The following IBTK variants were observed in gnomAD, a reference collection of about 807,000 sequenced individuals.
The protein encoded by IBTK is inhibitor of Bruton tyrosine kinase, also known as BTK-binding protein.
IBTK carries 83 observed loss-of-function variants against 154.9 expected under a neutral mutation model. That is an observed-to-expected ratio of 0.54 (90% CI 0.45 to 0.64). IBTK has a LOEUF of 0.64. Among genes scored for constraint, IBTK ranks in the 30% least tolerant of loss-of-function variants. The pLI is 0.00. For synonymous variants in IBTK, 515 were observed against 536.1 expected, an observed-to-expected ratio of 0.96 and a Z score of 0.54; for missense variants, 1,332 against 1,584.6, an observed-to-expected ratio of 0.84 and a Z score of 2.71.
At chr6:82,231,358 C>T (rs1770497361) in intron 4 of IBTK, among the ~76,000 whole-genome samples, 1 of 151,224 alleles carries the variant, frequency 6.6e-6, no homozygotes, top group Admixed American at 6.6e-5. Flanking sequence ...TAACACTGAG[C>T]TTCAACAACA....
intron 25 of IBTK, among the ~76,000 whole-genome samples, chr6:82,190,614 G>A (rs1309456831): frequency 6.6e-6 from 1 of 151,990 alleles, no homozygotes; most frequent in Non-Finnish European, 1.5e-5. Flanking sequence ...AAAATAACAA[G>A]CTATGATTAT....
chr6:82,172,562 T>G, intron 27 of IBTK, 50 bp from the exon 28 acceptor site: 1 of 1,551,918 alleles, frequency 6.4e-7, no homozygotes, highest in Non-Finnish European at 8.7e-7. Flanking sequence ...AATTTTTGCA[T>G]GCAAAATTTT....
chr6:82,214,589 C>T lies in IBTK; in HGVS notation c.1842G>A (p.Gly614=), dbSNP rs771534912. 1.2e-6 allele frequency: 2 copies of T among 1,614,032 alleles called. No individual in the cohort carries two copies. The highest frequency in any genetic ancestry group is 2.2e-5 in the South Asian group (2 of 91,072). The change falls in exon 12 of 29, where the codon GGG becomes GGA. Residue 614 remains glycine (G), a synonymous_variant. Transcript: ENST00000306270. ...DIYQKDEDSA[G]CHLFVVEKVH... ...CCTTCTCTACCACAAAGAGATGGCACCCTGCAGAATCTTCATCTTTCTGGT... is the reference window on the plus strand; with the variant it reads ...CCTTCTCTACCACAAAGAGATGGCATCCTGCAGAATCTTCATCTTTCTGGT...
chr6:82,236,602 A>C (rs911795100), intron 2 of IBTK, among the ~76,000 whole-genome samples: 1 of 152,176 alleles, frequency 6.6e-6, no homozygotes, highest in Non-Finnish European at 1.5e-5. Context: ...TTTGTAGGCA[A>C]CAAGTTTCTG....
intron 5 of IBTK, among the ~76,000 whole-genome samples, chr6:82,226,453 T>TA (rs1330729180): frequency 1.3e-5 from 2 of 152,142 alleles, no homozygotes; most frequent in African/African-American, 4.8e-5. Context: ...TAATTAGCAC[T>TA]AAGTTTCAGT....
chr6:82,198,606 C>T (rs952276894), intron 21 of IBTK, among the ~76,000 whole-genome samples: 3 of 151,200 alleles, frequency 2.0e-5, no homozygotes, highest in African/African-American at 7.3e-5. Context: ...GCTTTTTTTT[C>T]CAAAGGGACA....
chr6:82,215,794 A>AAAAAAAAGAAAGAC (rs1582229044), intron 11 of IBTK, among the ~76,000 whole-genome samples: 1 of 151,720 alleles, frequency 6.6e-6, no homozygotes, highest in East Asian at 1.9e-4. Context: ...AAAAAAAAAA[A>AAAAAAAAGAAAGAC]AAAAAAGAAA....
intron 26 of IBTK, among the ~76,000 whole-genome samples, chr6:82,180,174 T>G (rs528867591): frequency 1.1e-4 from 16 of 152,300 alleles, no homozygotes; most frequent in African/African-American, 3.8e-4. Flanking sequence ...TAATTATAAT[T>G]GTAATTTATA....
intron 16 of IBTK, among the ~76,000 whole-genome samples, chr6:82,209,895 T>C (rs547907239): frequency 7.5e-4 from 114 of 152,306 alleles, no homozygotes; most frequent in African/African-American, 2.7e-3. Context: ...AAAATGCATC[T>C]GCTTTTTAGA....
At chr6:82,212,540 A>G (rs1283611272) in intron 13 of IBTK, among the ~76,000 whole-genome samples, 167 bp downstream of exon 13, 1 of 152,178 alleles carries the variant, frequency 6.6e-6, no homozygotes. Context: ...TATTTTATCA[A>G]TTTACTTCAA....
intron 21 of IBTK, among the ~76,000 whole-genome samples, chr6:82,197,426 G>A (rs796452887): frequency 6.4e-4 from 93 of 145,508 alleles, no homozygotes; most frequent in African/African-American, 2.3e-3. Flanking sequence ...GCTGGAGTGC[G>A]GTGGCATGAT....
chr6:82,240,321 G>A lies in IBTK; in HGVS notation c.166C>T (p.Leu56Phe), dbSNP rs1054183505. 6.2e-7 allele frequency: 1 copy of A among 1,614,064 alleles called. No individual in the cohort carries two copies. The highest frequency in any genetic ancestry group is 8.5e-7 in the Non-Finnish European group (1 of 1,180,042). ...TTTCCACAGGAGGAAACAAGGTGGA[G>A]GGCATTCCTGCCAAAAACATCCTTG... ...TIKDVFGRNA[L>F]HLVSSCGKKG... Residue 56 changes from leucine (L) to phenylalanine (F), a missense_variant, in exon 2 of 29, where the codon CTC becomes TTC. Physicochemically the swap from Leu to Phe is conservative, Grantham distance 22. This residue lies in a region of IBTK where 84 missense variants were observed against 96.2 expected (regional missense o/e 0.87). Coordinates refer to ENST00000306270, the MANE Select transcript of IBTK (RefSeq NM_015525.4).
rs78310144 is a variant in IBTK at position 82,244,166 on chromosome 6, A to G, written c.-357-3323T>C. 7.9e-3 allele frequency among the ~76,000 whole-genome samples: 1,210 copies of G among 152,342 alleles called. 19 individuals are homozygous for G. Among genetic ancestry groups the G allele is most frequent in the African/African-American group, 0.027 (1,110 of 41,576 alleles). Reference sequence around the variant, plus strand: ...ATAATGATAAATGAAACTACCTAACATGGTACCTGGCACTAAATATGCATT... The same window carrying G: ...ATAATGATAAATGAAACTACCTAACGTGGTACCTGGCACTAAATATGCATT... On this transcript the variant is annotated intron_variant, in intron 1 of 28. Transcript: ENST00000306270.
intron 6 of IBTK, 94 bp from the exon 7 acceptor site, chr6:82,224,279 C>G (rs1463247857): frequency 2.3e-6 from 2 of 872,258 alleles, no homozygotes; most frequent in Non-Finnish European, 3.8e-6. Flanking sequence ...ATATGGTATA[C>G]TTGCTGTTAG....
intron 15 of IBTK, 21 bp downstream of exon 15, chr6:82,211,346 C>T (rs370319587): frequency 4.6e-4 from 732 of 1,578,108 alleles, no homozygotes; most frequent in Non-Finnish European, 5.1e-4. Context: ...CCAACCTAGG[C>T]GCTTTTTACT....
chr6:82,220,649 G>A lies in IBTK; in HGVS notation c.1189C>T (p.His397Tyr). 6.2e-6 allele frequency: 10 copies of A among 1,609,666 alleles called. No homozygotes were observed. The highest frequency in any genetic ancestry group is 8.5e-6 in the Non-Finnish European group (10 of 1,178,012). ...TTTTGACCCCCATTTTCTTTCAAAT[G>A]TTCAGGATCAACCTTGTATTCCATA... is the stretch of plus-strand genomic sequence containing the variant. ...GHMEYKVDPE[H>Y]LKENGGQKIC... is the part of the protein sequence containing the mutation. Residue 397 changes from histidine (H) to tyrosine (Y), a missense_variant, in exon 9 of 29, where the codon CAT becomes TAT. Around this residue, in one of 3 missense-constraint regions of IBTK, gnomAD observed 1,134 missense variants for 1,274.7 expected, o/e 0.89. Transcript: ENST00000306270.
chr6:82,217,735 C>T (rs751557041), intron 10 of IBTK, among the ~76,000 whole-genome samples: 3 of 152,126 alleles, frequency 2.0e-5, no homozygotes, highest in Non-Finnish European at 4.4e-5. Context: ...TGAGTGACTA[C>T]AATGCGCCAG....
chr6:82,242,244 C>T (rs780366701), intron 1 of IBTK, among the ~76,000 whole-genome samples: 4 of 152,046 alleles, frequency 2.6e-5, no homozygotes, highest in Non-Finnish European at 5.9e-5. Flanking sequence ...TGGCACATGC[C>T]TGTAATCTCA....
chr6:82,191,468 A>C (rs1400434193), intron 24 of IBTK: 9 of 558,802 alleles, frequency 1.6e-5, no homozygotes, highest in Non-Finnish European at 2.8e-5. Flanking sequence ...GCCCTCCAAC[A>C]TATCACAAAT....
Sources: gnomAD v4.1 joint callset for allele counts (sites outside exome capture counted in the v4.1 genomes callset) on GRCh38, gnomAD v4.1.1 for gene constraint, gnomAD v4.1.1 regional missense constraint, MANE v1.5 for transcripts, NCBI Gene and HGNC (gene_info 2026-07-23, HGNC 2026-07-21) for gene names.